The following EFHD2 variants were observed in gnomAD, a reference collection of about 807,000 sequenced individuals.
EFHD2 encodes the protein EF-hand domain-containing protein D2.
EFHD2 carries 12 observed loss-of-function variants against 20.3 expected under a neutral mutation model. That is an observed-to-expected ratio of 0.59 (90% CI 0.38 to 0.96). The LOEUF (loss-of-function observed/expected upper bound fraction) is 0.96. EFHD2 is among the 40% of genes least tolerant of loss of function. The pLI is 0.00. For missense variants in EFHD2, 250 were observed against 334.3 expected, an observed-to-expected ratio of 0.75 and a Z score of 1.97; for synonymous variants, 131 against 143.9, an observed-to-expected ratio of 0.91 and a Z score of 0.64.
chr1:15,427,732 T>G (rs944369429), intron 3 of EFHD2, among the ~76,000 whole-genome samples: 1 of 152,190 alleles, frequency 6.6e-6, no homozygotes, highest in African/African-American at 2.4e-5. Flanking sequence ...GGTTCTCAGA[T>G]GGAGGAGACA....
At chr1:15,412,170 G>A (rs1001006450) in intron 1 of EFHD2, among the ~76,000 whole-genome samples, 7 of 152,044 alleles carry the variant, frequency 4.6e-5, no homozygotes, top group African/African-American at 1.4e-4. Flanking sequence ...GAAGACTGGC[G>A]AGATTGGGAG....
chr1:15,428,858 G>T lies in EFHD2; in HGVS notation c.*134G>T. 1 of 1,357,988 alleles carries T rather than the reference G, an allele frequency of 7.4e-7. No homozygotes were observed. The highest frequency in any genetic ancestry group is 1.0e-6 in the Non-Finnish European group (1 of 994,652). The allele number at this position is 1,357,988 out of a possible 1,614,324, so 84.1% of individuals were successfully genotyped here. A position where few individuals can be genotyped will look rare whatever the true frequency, so the allele number is the denominator to read the frequency against. On this transcript the variant is annotated 3_prime_UTR_variant, in exon 4 of 4. Transcript: ENST00000375980. ...AAACCTAAAAATATCTGTGAATGGA[G>T]CAAGTTCAGGGGTCTTATGGAGGTG...
rs754989503 is a variant in EFHD2, at chr1:15,413,018, G to A, written c.308+2739G>A. On this transcript the variant is annotated intron_variant, in intron 1 of 3. Coordinates refer to ENST00000375980, the MANE Select transcript of EFHD2 (RefSeq NM_024329.6). The surrounding 1 kb of genome is among the most constrained non-coding windows in gnomAD (Gnocchi z 4.4). ...GTGAGGGTGGAAAGCTGCAGATTGT[G>A]TATTCAAGGAAACAACGCTTCACTG... 1.3e-5 allele frequency among the ~76,000 whole-genome samples: 2 copies of A among 152,148 alleles called. No individual in the cohort carries two copies. Among genetic ancestry groups the A allele is most frequent in the Non-Finnish European group, 2.9e-5 (2 of 68,026 alleles).
chr1:15,410,220 C>T lies in EFHD2; in HGVS notation c.249C>T (p.Tyr83=), dbSNP rs1414982464. ...CCAGCCGCCGCGTCTTCAACCCCTA[C>T]ACCGAGTTCAAGGAGTTCTCCAGGA... ...QSPSRRVFNP[Y]TEFKEFSRKQ... The change falls in exon 1 of 4, where the codon TAC becomes TAT. Residue 83 remains tyrosine, a synonymous_variant. Transcript: ENST00000375980. 1.9e-6 allele frequency: 3 copies of T among 1,607,070 alleles called. No homozygotes were observed. Among genetic ancestry groups the T allele is most frequent in the East Asian group, 2.3e-5 (1 of 44,078 alleles).
chr1:15,422,135 C>T (rs1181504059), intron 1 of EFHD2, among the ~76,000 whole-genome samples: 1 of 148,928 alleles, frequency 6.7e-6, no homozygotes, highest in African/African-American at 2.5e-5. Flanking sequence ...CTTTGTCGCC[C>T]AGGCTGGAGT....
In EFHD2 at chr1:15,409,946, C is replaced by T. The variant is rs1363990893; in HGVS notation, c.-26C>T. ...CGCTGCGCTGAGAGCAGGGGCCCGG[C>T]CAAGGCGAGTGCCGCGCGGGCCACC... is the stretch of plus-strand genomic sequence containing the variant. On this transcript the variant is annotated 5_prime_UTR_variant, in exon 1 of 4. Coordinates refer to ENST00000375980, the MANE Select transcript of EFHD2 (RefSeq NM_024329.6). 8 of 1,225,320 alleles carry T rather than the reference C, an allele frequency of 6.5e-6. No individual in the cohort carries two copies. Among genetic ancestry groups the T allele is most frequent in the Non-Finnish European group, 7.1e-6 (7 of 986,810 alleles). The allele number at this position is 1,225,320 out of a possible 1,614,324, so 75.9% of individuals were successfully genotyped here. A position where few individuals can be genotyped will look rare whatever the true frequency, so the allele number is the denominator to read the frequency against.
intron 1 of EFHD2, among the ~76,000 whole-genome samples, chr1:15,411,381 C>A (rs1707509160): frequency 6.6e-6 from 1 of 152,128 alleles, no homozygotes; most frequent in Non-Finnish European, 1.5e-5. Flanking sequence ...TCCCCCTGTC[C>A]CCCCACAAAA....
intron 3 of EFHD2, chr1:15,427,772 C>G (rs776520054): frequency 3.4e-5 from 13 of 384,544 alleles, no homozygotes; most frequent in Non-Finnish European, 6.3e-5. Flanking sequence ...TGGGTCCTGC[C>G]CACCCGGGGC....
chr1:15,428,563 C>A, intron 3 of EFHD2, 30 bp from the exon 4 acceptor site: 2 of 1,607,252 alleles, frequency 1.2e-6, no homozygotes, highest in South Asian at 1.1e-5. Flanking sequence ...ACCATCCAGC[C>A]CTGACCCCCT....
At chr1:15,416,018 A>G (rs1707663227) in intron 1 of EFHD2, among the ~76,000 whole-genome samples, 1 of 151,872 alleles carries the variant, frequency 6.6e-6, no homozygotes, top group Non-Finnish European at 1.5e-5. Context: ...GCTTAGGGTC[A>G]GTGGGTGGGG....
rs1262305974 is a variant in EFHD2, at chr1:15,428,993, AACTGCCCCCTGCCTGCTCCGGC to A, written c.*278_*299del. 3 of 441,012 alleles carry A rather than the reference AACTGCCCCCTGCCTGCTCCGGC, an allele frequency of 6.8e-6. No homozygotes were observed. Among genetic ancestry groups the A allele is most frequent in the Non-Finnish European group, 1.3e-5 (3 of 239,366 alleles). 27.3% of individuals were successfully genotyped at this position (441,012 alleles called of 1,614,324 possible). ...AATCCCTGGGCTCTCTTGCACCCCT[AACTGCCCCCTGCCTGCTCCGGC>A]ACTGCCCCAGGCCCAGCTCCTGGCC... On this transcript the variant is annotated 3_prime_UTR_variant, in exon 4 of 4. Transcript: ENST00000375980.
intron 1 of EFHD2, among the ~76,000 whole-genome samples, chr1:15,417,119 G>A (rs975541848): frequency 3.3e-5 from 5 of 152,042 alleles, no homozygotes; most frequent in Middle Eastern, 3.2e-3. Flanking sequence ...CCCATAATCC[G>A]CACTGTAACC....
chr1:15,428,991 C>T lies in EFHD2; in HGVS notation c.*267C>T, dbSNP rs1239622436. On this transcript the variant is annotated 3_prime_UTR_variant, in exon 4 of 4. Coordinates refer to ENST00000375980, the MANE Select transcript of EFHD2 (RefSeq NM_024329.6). ...GCAATCCCTGGGCTCTCTTGCACCC[C>T]TAACTGCCCCCTGCCTGCTCCGGCA... 4 of 457,984 alleles carry T rather than the reference C, an allele frequency of 8.7e-6. No individual in the cohort carries two copies. Among genetic ancestry groups the T allele is most frequent in the Non-Finnish European group, 1.6e-5 (4 of 250,012 alleles). The allele number at this position is 457,984 out of a possible 1,614,324, so 28.4% of individuals were successfully genotyped here.
At chr1:15,427,501 G>A (rs1707892979) in intron 3 of EFHD2, among the ~76,000 whole-genome samples, 1 of 152,202 alleles carries the variant, frequency 6.6e-6, no homozygotes, top group African/African-American at 2.4e-5. Flanking sequence ...TGGGTGAGGG[G>A]GGTGTACTCT....
At chr1:15,416,302 T>A (rs998795493) in intron 1 of EFHD2, among the ~76,000 whole-genome samples, 3 of 152,066 alleles carry the variant, frequency 2.0e-5, no homozygotes, top group Non-Finnish European at 4.4e-5. Context: ...TCAGGGGATG[T>A]CAGAGGTCGT....
At chr1:15,417,949 C>T (rs1158740618) in intron 1 of EFHD2, among the ~76,000 whole-genome samples, 4 of 151,240 alleles carry the variant, frequency 2.6e-5, no homozygotes, top group African/African-American at 9.7e-5. Context: ...AGCTTGGGGG[C>T]ACCTGCACGA....
chr1:15,418,959 T>C (rs1230331940), intron 1 of EFHD2, among the ~76,000 whole-genome samples: 1 of 152,246 alleles, frequency 6.6e-6, no homozygotes, highest in East Asian at 1.9e-4. Context: ...CTTGTGAGAA[T>C]CTGATGCAAA....
rs768189972 is a variant in EFHD2, at chr1:15,427,167, C to A, written c.474C>A (p.Arg158=). 3 of 1,612,160 alleles carry A rather than the reference C, an allele frequency of 1.9e-6. No individual in the cohort carries two copies. The highest frequency in any genetic ancestry group is 1.1e-5 in the South Asian group (1 of 90,588). The part of the protein sequence containing the change: ...LSFREFLLIF[R]KAAAGELQED... ...CGCTGCAGTTCCTCCTGATCTTCCG[C>A]AAGGCGGCGGCCGGGGAGCTTCAGG... The change falls in exon 3 of 4, where the codon CGC becomes CGA. Residue 158 remains arginine, a synonymous_variant. Coordinates refer to ENST00000375980, the MANE Select transcript of EFHD2 (RefSeq NM_024329.6).
At chr1:15,411,711 C>A (rs967783754) in intron 1 of EFHD2, among the ~76,000 whole-genome samples, 12 of 152,184 alleles carry the variant, frequency 7.9e-5, no homozygotes, top group Non-Finnish European at 1.5e-4. Flanking sequence ...TCTAGCCCCA[C>A]CTGGCACAGG....
Sources: gnomAD v4.1 joint callset for allele counts (sites outside exome capture counted in the v4.1 genomes callset) on GRCh38, gnomAD v4.1.1 for gene constraint, Gnocchi (gnomAD v3.1) non-coding constraint, MANE v1.5 for transcripts, NCBI Gene and HGNC (gene_info 2026-07-23, HGNC 2026-07-21) for gene names.